MSH6: variants seen among roughly 807,000 people sequenced by gnomAD.
MSH6 encodes the protein DNA mismatch repair protein Msh6.
MSH6 carries 85 observed loss-of-function variants against 119.1 expected under a neutral mutation model. The ratio of observed to expected loss-of-function variants is 0.71; its 90% CI spans 0.60 to 0.85. The LOEUF is 0.85. MSH6 is among the 40% of genes least tolerant of loss of function. The pLI, the probability that MSH6 is intolerant of heterozygous loss-of-function variation, is 0.00. For missense variants in MSH6, 2,163 were observed against 1,655.3 expected (o/e 1.31, Z -5.32); for synonymous variants, 830 against 586.9 (o/e 1.41, Z -5.99).
chr2:47,793,710 C>T (rs1345855826), intron 2 of MSH6, among the ~76,000 whole-genome samples: 6 of 151,502 alleles, frequency 4.0e-5, no homozygotes, highest in South Asian at 2.1e-4. Flanking sequence ...GGACCAATTT[C>T]GAGATTTAAA....
rs781482454 is a variant in MSH6 at position 47,800,766 on chromosome 2, C to T, written c.2783C>T (p.Thr928Ile). Reference sequence around the variant, plus strand: ...AAGGCTCGAAAGACTGGACTTATTACTCCCAAAGCAGGCTTTGACTCTGAT... The same window carrying T: ...AAGGCTCGAAAGACTGGACTTATTATTCCCAAAGCAGGCTTTGACTCTGAT... ...HEKARKTGLI[T>I]PKAGFDSDYD... is the part of the protein sequence containing the mutation. Residue 928 changes from threonine to isoleucine, a missense_variant, in exon 4 of 10, where the codon ACT (threonine) becomes ATT (isoleucine). Physicochemically the swap from Thr to Ile is moderately conservative, Grantham distance 89 (BLOSUM62 -1). Coordinates refer to ENST00000234420, the MANE Select transcript of MSH6 (RefSeq NM_000179.3). 1.9e-6 allele frequency: 3 copies of T among 1,614,178 alleles called. No homozygotes were observed. Among genetic ancestry groups the T allele is most frequent in the South Asian group, 1.1e-5 (1 of 91,082 alleles).
At chr2:47,783,669 G>A in intron 1 of MSH6, 176 bp downstream of exon 1, 1 of 614,404 alleles carries the variant, frequency 1.6e-6, no homozygotes, top group Non-Finnish European at 2.5e-6. Context: ...GGAGCATTTG[G>A]GGGTGTAGCT....
In MSH6 at chr2:47,803,694, TTCTTA is replaced by T. The variant is rs774702968; in HGVS notation, c.3438+10_3438+14del. The stretch of plus-strand genomic sequence containing the variant: ...CTACGCTTATGAGACAGGTAACTGA[TTCTTA>T]AAGTTTTGTTATCAGAAAGTCATTT... On this transcript the variant is annotated intron_variant, in intron 5 of 9. Coordinates refer to ENST00000234420, the MANE Select transcript of MSH6 (RefSeq NM_000179.3). The T allele has an allele frequency of 6.2e-7, 1 of 1,614,188 alleles. No homozygotes were observed. Among genetic ancestry groups the T allele is most frequent in the South Asian group, 1.1e-5 (1 of 91,082 alleles).
chr2:47,791,497 G>A (rs1668728345), intron 2 of MSH6, among the ~76,000 whole-genome samples: 2 of 151,854 alleles, frequency 1.3e-5, no homozygotes, highest in South Asian at 4.2e-4. Context: ...GCACTACCTG[G>A]CCTTCAAACT....
intron 2 of MSH6, among the ~76,000 whole-genome samples, chr2:47,792,582 G>C (rs974911773): frequency 2.6e-5 from 4 of 152,142 alleles, no homozygotes; most frequent in African/African-American, 4.8e-5. Context: ...ACTCCTGCCT[G>C]AGCTCAAGCA....
chr2:47,783,703 G>C (rs899326696), intron 1 of MSH6: 7 of 535,210 alleles, frequency 1.3e-5, no homozygotes, highest in African/African-American at 1.2e-4. Context: ...GGAGGAGAGA[G>C]GCTGTGCAGG....
Position 47,783,332 on chromosome 2 carries a change from TGCC to T in MSH6, c.105_107del (p.Ala37del), listed in dbSNP as rs1553408197. On this transcript the variant is annotated inframe_deletion, in exon 1 of 10. Transcript: ENST00000234420. Reference sequence around the variant, plus strand: ...CCAGGGCCTCACGCGAAGGCGGCCGTGCCGCCGCTGCCCCCGGGGCCTCTCCTT... The same window carrying T: ...CCAGGGCCTCACGCGAAGGCGGCCGTGCCGCTGCCCCCGGGGCCTCTCCTT... The T allele has an allele frequency of 6.2e-7, 1 of 1,609,624 alleles. No homozygotes were observed. Among genetic ancestry groups the T allele is most frequent in the African/African-American group, 1.3e-5 (1 of 74,838 alleles).
intron 1 of MSH6, among the ~76,000 whole-genome samples, chr2:47,785,559 A>T (rs2103980452): frequency 6.6e-6 from 1 of 152,362 alleles, no homozygotes; most frequent in Middle Eastern, 3.4e-3. Context: ...AATCCATTTA[A>T]ATCCAGTTTA....
At position 47,790,629 on chromosome 2, in the gene MSH6, C is replaced by A. The variant is rs3136279; in HGVS notation, c.261-298C>A. Among the ~76,000 whole-genome samples the A allele has an allele frequency of 0.12, 18,601 of 152,146 alleles. 1,509 individuals carry two copies. The highest frequency in any genetic ancestry group is 0.18 in the Non-Finnish European group (12,509 of 67,982). ...ATATACAGTGAGTCCATGCCTTTTT[C>A]CTGCCATCAGCATTATACCAAAATT... On this transcript the variant is annotated intron_variant, in intron 1 of 9. Coordinates refer to ENST00000234420, the MANE Select transcript of MSH6 (RefSeq NM_000179.3).
chr2:47,795,927 A>T lies in MSH6; in HGVS notation c.491A>T (p.His164Leu), dbSNP rs146469162. Residue 164 changes from histidine to leucine, a missense_variant, in exon 3 of 10, where the codon CAT (histidine) becomes CTT (leucine). Coordinates refer to ENST00000234420, the MANE Select transcript of MSH6 (RefSeq NM_000179.3). ...TCAAAGGAAGCCCAGAAGGGAGGTC[A>T]TTTTTACAGTGCAAAGCCTGAAATA... ...SKSKEAQKGG[H>L]FYSAKPEILR... 1.2e-6 allele frequency: 2 copies of T among 1,614,048 alleles called. No homozygotes were observed. The highest frequency in any genetic ancestry group is 1.3e-5 in the African/African-American group (1 of 74,920).
At chr2:47,786,337 A>G (rs1311325914) in intron 1 of MSH6, among the ~76,000 whole-genome samples, 1 of 144,176 alleles carries the variant, frequency 6.9e-6, no homozygotes, top group Non-Finnish European at 1.5e-5. Flanking sequence ...TGTTGAGCGT[A>G]TTTTTTTTTT....
At chr2:47,792,828 C>T (rs1044655996) in intron 2 of MSH6, among the ~76,000 whole-genome samples, 1 of 150,400 alleles carries the variant, frequency 6.6e-6, no homozygotes, top group Non-Finnish European at 1.5e-5. Context: ...GCCACCACAC[C>T]TGGCTAATTT....
In MSH6 at chr2:47,792,001, C is replaced by G. The variant is rs533367849; in HGVS notation, c.457+878C>G. Among the ~76,000 whole-genome samples, 10 of 152,254 alleles carry G rather than the reference C, an allele frequency of 6.6e-5. No homozygotes were observed. The East Asian group carries it at 1.9e-3, about 29-fold the overall frequency. ...AGCTGGGATTACAGGTGCACACCAC[C>G]AAGCCCAGCTAATTTTTTATTTCTA... On this transcript the variant is annotated intron_variant, in intron 2 of 9. Transcript: ENST00000234420.
At chr2:47,806,409 T>TA (rs397897614) in intron 8 of MSH6, 43 bp from the exon 9 acceptor site, 2 of 1,613,636 alleles carry the variant, frequency 1.2e-6, no homozygotes, top group Non-Finnish European at 1.7e-6. Flanking sequence ...AGAGGGCACT[T>TA]CTCTTGCTAG....
At position 47,806,944 on chromosome 2, in the gene MSH6, T is replaced by G; in HGVS notation, c.*84T>G. The stretch of plus-strand genomic sequence containing the variant: ...ATTATGATCTAATAAACTTTATTTT[T>G]TAAAAATGACCATTTTTCCATTTTC... On this transcript the variant is annotated 3_prime_UTR_variant, in exon 10 of 10. Transcript: ENST00000234420. 9.4e-7 allele frequency: 1 copy of G among 1,059,060 alleles called. No individual in the cohort carries two copies. Among genetic ancestry groups the G allele is most frequent in the East Asian group, 2.4e-5 (1 of 40,858 alleles). 65.6% of individuals were successfully genotyped at this position (1,059,060 alleles called of 1,614,324 possible). A position where few individuals can be genotyped will look rare whatever the true frequency, so the allele number is the denominator to read the frequency against.
rs1047112192 is a variant in MSH6, at chr2:47,783,654, A to G, written c.260+161A>G. 2.9e-4 allele frequency: 196 copies of G among 672,908 alleles called. 1 individual carries two copies. In the African/African-American group the frequency reaches 3.3e-3, roughly 11 times the overall value. 41.7% of individuals were successfully genotyped at this position (672,908 alleles called of 1,614,324 possible). On this transcript the variant is annotated intron_variant, in intron 1 of 9. Transcript: ENST00000234420. ...TTGGCTTGAATGAGTGCAGGGGTCG[A>G]GTCTGGAGCATTTGGGGGTGTAGCT...
At chr2:47,802,620 A>G (rs1334115270) in intron 4 of MSH6, among the ~76,000 whole-genome samples, 1 of 147,612 alleles carries the variant, frequency 6.8e-6, no homozygotes, top group Non-Finnish European at 1.5e-5. Flanking sequence ...CGCATGAGCC[A>G]CTGCGCCCAG....
At position 47,803,323 on chromosome 2, in the gene MSH6, T is replaced by C. The variant is rs138463559; in HGVS notation, c.3173-97T>C. The C allele has an allele frequency of 5.4e-3, 8,071 of 1,494,358 alleles. 37 individuals carry two copies. The highest frequency in any genetic ancestry group is 6.3e-3 in the Non-Finnish European group (6,801 of 1,074,058). 92.6% of individuals were successfully genotyped at this position (1,494,358 alleles called of 1,614,324 possible). ...TGGACTGTAATTGAAAGTTATGTCT[T>C]ATAATGAAATGTGTTATATAAAGAA... is the stretch of plus-strand genomic sequence containing the variant. On this transcript the variant is annotated intron_variant, in intron 4 of 9. Transcript: ENST00000234420.
downstream of MSH6, chr2:47,807,001 T>TC: frequency 1.4e-6 from 1 of 694,718 alleles, no homozygotes; most frequent in Non-Finnish European, 2.5e-6. Context: ...TTAATTCTTA[T>TC]CTACCTTCTA....
Sources: allele counts gnomAD v4.1 joint callset (sites outside exome capture counted in the v4.1 genomes callset), GRCh38; gene constraint gnomAD v4.1.1; transcripts MANE v1.5; gene names NCBI Gene and HGNC (gene_info 2026-07-23, HGNC 2026-07-21).